Variants in HPSE2 observed in about 807,000 individuals in gnomAD.
HPSE2 encodes inactive heparanase-2.
Under a neutral mutation model 60.5 loss-of-function variants are expected in HPSE2, and 38 were observed. That is an observed-to-expected ratio of 0.63 (90% CI 0.48 to 0.82). The LOEUF (loss-of-function observed/expected upper bound fraction) is 0.82. HPSE2 is among the 40% of genes least tolerant of loss of function. The pLI is 0.00. For synonymous variants in HPSE2, 295 were observed against 293.2 expected (o/e 1.01, Z -0.06); for missense variants, 713 against 740.4 (o/e 0.96, Z 0.43).
intron 3 of HPSE2, among the ~76,000 whole-genome samples, chr10:99,076,389 T>C (rs1199049796): frequency 6.6e-6 from 1 of 152,186 alleles, no homozygotes; most frequent in African/African-American, 2.4e-5. Flanking sequence ...TATAGTTATT[T>C]TTCATATTTT....
At chr10:99,207,685 G>A (rs1483377086) in intron 2 of HPSE2, among the ~76,000 whole-genome samples, 1 of 151,996 alleles carries the variant, frequency 6.6e-6, no homozygotes, top group African/African-American at 2.4e-5. Context: ...GTAGAGTGAA[G>A]GTGTTGAGTT....
chr10:99,079,908 G>A (rs925768020), intron 3 of HPSE2, among the ~76,000 whole-genome samples: 1 of 152,146 alleles, frequency 6.6e-6, no homozygotes, highest in Non-Finnish European at 1.5e-5. Context: ...AAAAGTTGGA[G>A]TATTAGATAC....
In HPSE2 at chr10:98,600,927, A is replaced by G. The variant is rs371449470; in HGVS notation, c.1320+13977T>C. 8.1e-3 allele frequency among the ~76,000 whole-genome samples: 208 copies of G among 25,784 alleles called. 2 individuals are homozygous for G. Among genetic ancestry groups the G allele is most frequent in the African/African-American group, 0.01 (197 of 18,970 alleles). 16.9% of individuals were successfully genotyped at this position (25,784 alleles called of 152,430 possible). A position where few individuals can be genotyped will look rare whatever the true frequency, so the allele number is the denominator to read the frequency against. ...TGTGTGTGTGTATATATATATATAT[A>G]TATATATATATATAGAAAGAGAGAA... On this transcript the variant is annotated intron_variant, in intron 9 of 11. Coordinates refer to ENST00000370552, the MANE Select transcript of HPSE2 (RefSeq NM_021828.5).
intron 3 of HPSE2, among the ~76,000 whole-genome samples, chr10:99,127,706 T>C (rs1426049707): frequency 1.3e-5 from 2 of 152,148 alleles, no homozygotes; most frequent in Non-Finnish European, 2.9e-5. Context: ...AAGTTATCTA[T>C]AATCAAGACA....
At chr10:98,536,429 T>G (rs1290613277) in intron 9 of HPSE2, among the ~76,000 whole-genome samples, 3 of 152,226 alleles carry the variant, frequency 2.0e-5, no homozygotes, top group Non-Finnish European at 4.4e-5. Flanking sequence ...GAGAGAGCAC[T>G]TCAATGTGAA....
chr10:99,253,009 A>G, the HPSE2 span, among the ~76,000 whole-genome samples: 1 of 152,230 alleles, frequency 6.6e-6, no homozygotes, highest in Admixed American at 6.5e-5. Context: ...AAAACATTCC[A>G]TGTTCATGGA....
chr10:98,527,291 A>C (rs913263873), intron 9 of HPSE2, among the ~76,000 whole-genome samples: 1 of 152,104 alleles, frequency 6.6e-6, no homozygotes, highest in Non-Finnish European at 1.5e-5. Flanking sequence ...AGTTCCTTGT[A>C]AAGTTTCTTT....
intron 4 of HPSE2, among the ~76,000 whole-genome samples, chr10:98,741,648 T>C (rs1215718579): frequency 6.6e-6 from 1 of 152,086 alleles, no homozygotes; most frequent in Non-Finnish European, 1.5e-5. Context: ...CAATCACTTG[T>C]AGGTAAGTTT....
chr10:98,805,934 G>C (rs994716692), intron 3 of HPSE2, among the ~76,000 whole-genome samples: 16 of 152,224 alleles, frequency 1.1e-4, no homozygotes, highest in African/African-American at 3.6e-4. Flanking sequence ...AGAAGGAAAA[G>C]ATCAGAAAAC....
chr10:99,159,837 C>T (rs550131531), intron 2 of HPSE2, among the ~76,000 whole-genome samples: 7 of 152,180 alleles, frequency 4.6e-5, no homozygotes, highest in East Asian at 1.9e-4. Context: ...TAAAAGTGTT[C>T]GCTCTTTAAA....
At chr10:98,805,619 T>C (rs1176329483) in intron 3 of HPSE2, among the ~76,000 whole-genome samples, 5 of 151,988 alleles carry the variant, frequency 3.3e-5, no homozygotes, top group Admixed American at 3.3e-4. Flanking sequence ...TGATAAGAAA[T>C]AAGACATGTT....
chr10:98,675,601 A>ACCTGTCATC (rs1947620027), intron 6 of HPSE2, among the ~76,000 whole-genome samples: 1 of 151,330 alleles, frequency 6.6e-6, no homozygotes, highest in Non-Finnish European at 1.5e-5. Flanking sequence ...GGTGGCACAC[A>ACCTGTCATC]CCTGTCATCC....
chr10:98,826,147 T>G (rs1019539308), intron 3 of HPSE2, among the ~76,000 whole-genome samples: 2 of 152,222 alleles, frequency 1.3e-5, no homozygotes, highest in Admixed American at 1.3e-4. Flanking sequence ...CTCCAAAGAA[T>G]GCAAAGACTT....
intron 2 of HPSE2, among the ~76,000 whole-genome samples, chr10:99,155,133 G>C (rs1378544615): frequency 5.2e-5 from 7 of 133,918 alleles, no homozygotes; most frequent in Admixed American, 1.5e-4. Context: ...AAGAGACTTA[G>C]ACTCCCACAC....
intron 3 of HPSE2, among the ~76,000 whole-genome samples, chr10:98,936,128 A>G (rs560537258): frequency 4.2e-5 from 6 of 144,568 alleles, no homozygotes; most frequent in Admixed American, 2.7e-4. Flanking sequence ...CTAAAGCCAC[A>G]GTAATGGTAG....
chr10:98,716,442 A>C (rs7100470), intron 5 of HPSE2, among the ~76,000 whole-genome samples: 1 of 148,006 alleles, frequency 6.8e-6, no homozygotes, highest in African/African-American at 2.5e-5. Context: ...ATAATAATAA[A>C]AAATAAATAA....
At chr10:98,871,973 T>C (rs1952743951) in intron 3 of HPSE2, among the ~76,000 whole-genome samples, 1 of 152,154 alleles carries the variant, frequency 6.6e-6, no homozygotes. Context: ...AATGAAAATC[T>C]ACCAATTTAC....
At position 98,688,274 on chromosome 10, in the gene HPSE2, A is replaced by G. The variant is rs548790130; in HGVS notation, c.1004+5626T>C. On this transcript the variant is annotated intron_variant, in intron 6 of 11. Transcript: ENST00000370552. ...TATTGCCATGTATTTTTACATCTAC[A>G]TATGTTATCAACCCCATAATACAAT... Among the ~76,000 whole-genome samples the G allele has an allele frequency of 3.9e-5, 6 of 152,044 alleles. No homozygotes were observed. The East Asian group carries it at 1.2e-3, about 29-fold the overall frequency.
At chr10:98,468,832 T>G (rs1054511219) in intron 11 of HPSE2, among the ~76,000 whole-genome samples, 5 of 152,102 alleles carry the variant, frequency 3.3e-5, no homozygotes, top group Non-Finnish European at 7.4e-5. Context: ...TAGTATCCTG[T>G]TCCCTTGCCC....
Sources: gnomAD v4.1 joint callset for allele counts (sites outside exome capture counted in the v4.1 genomes callset) on GRCh38, gnomAD v4.1.1 for gene constraint, MANE v1.5 for transcripts, NCBI Gene and HGNC (gene_info 2026-07-23, HGNC 2026-07-21) for gene names.